Variants in SCMH1 observed in about 807,000 individuals in gnomAD.
SCMH1 encodes the protein Scm polycomb group protein homolog 1.
In SCMH1, 37 loss-of-function variants were observed where a neutral mutation model predicts 70.8. The observed-to-expected ratio is 0.52, with a 90% CI of 0.40 to 0.69. The LOEUF (loss-of-function observed/expected upper bound fraction) is 0.69. Among genes scored for constraint, SCMH1 ranks in the 30% least tolerant of loss-of-function variants. SCMH1 has a pLI of 0.00. For synonymous variants in SCMH1, 292 were observed against 307.4 expected (o/e 0.95, Z 0.52); for missense variants, 607 against 827.3 (o/e 0.73, Z 3.27).
chr1:41,185,933 T>A, intron 2 of SCMH1, 188 bp downstream of exon 2: 1 of 453,506 alleles, frequency 2.2e-6, no homozygotes, highest in Non-Finnish European at 3.8e-6. Flanking sequence ...TTTTTAAGTA[T>A]TTAAAAAGCA....
At chr1:41,174,015 A>G (rs1331310419) in intron 2 of SCMH1, among the ~76,000 whole-genome samples, 1 of 152,212 alleles carries the variant, frequency 6.6e-6, no homozygotes, top group Non-Finnish European at 1.5e-5. Context: ...ATAGTGTTCT[A>G]TAGCACTATA....
chr1:41,064,347 CCT>C, intron 10 of SCMH1, among the ~76,000 whole-genome samples: 2 of 152,194 alleles, frequency 1.3e-5, no homozygotes, highest in Middle Eastern at 3.4e-3. Flanking sequence ...ACAAGGATGC[CCT>C]CTCTTACCAC....
At chr1:41,115,923 A>G (rs1670359040) in intron 7 of SCMH1, among the ~76,000 whole-genome samples, 1 of 152,102 alleles carries the variant, frequency 6.6e-6, no homozygotes, top group African/African-American at 2.4e-5. Flanking sequence ...TAAAAATCTG[A>G]TCTATGTATG....
At position 41,131,812 on chromosome 1, in the gene SCMH1, T is replaced by C. The variant is rs1674798887; in HGVS notation, c.412+11066A>G. Among the ~76,000 whole-genome samples, 4 of 152,330 alleles carry C rather than the reference T, an allele frequency of 2.6e-5. 1 individual carries two copies. The South Asian group carries it at 8.3e-4, about 32-fold the overall frequency. ...AGAATGTGCAGTGTTTGGTTTTCTG[T>C]CCTTGTGATAGTTTGCTGAGAATGA... On this transcript the variant is annotated intron_variant, in intron 6 of 14. Transcript: ENST00000337495.
At chr1:41,221,893 CAAAAAAAAAA>C (rs34257855) in intron 1 of SCMH1, among the ~76,000 whole-genome samples, 1 of 45,058 alleles carries the variant, frequency 2.2e-5, no homozygotes, top group Non-Finnish European at 3.5e-5. Flanking sequence ...GACTCCGTCT[CAAAAAAAAAA>C]AAAAAAAAAA....
chr1:41,067,458 C>CAAAA (rs60607308), intron 10 of SCMH1, among the ~76,000 whole-genome samples: 21 of 60,234 alleles, frequency 3.5e-4, no homozygotes, highest in African/African-American at 6.4e-4. Flanking sequence ...ACAACAACAA[C>CAAAA]AAAAAAAAAA....
intron 13 of SCMH1, among the ~76,000 whole-genome samples, chr1:41,029,489 C>T (rs549288389): frequency 3.9e-5 from 6 of 152,158 alleles, no homozygotes; most frequent in African/African-American, 9.7e-5. Context: ...CGTGAACCAC[C>T]GCGCCCAGCC....
At chr1:41,191,599 T>C (rs1196796271) in intron 1 of SCMH1, among the ~76,000 whole-genome samples, 3 of 152,156 alleles carry the variant, frequency 2.0e-5, no homozygotes, top group African/African-American at 7.2e-5. Flanking sequence ...TTGGAAGAAA[T>C]GTTGAAAGTC....
intron 8 of SCMH1, among the ~76,000 whole-genome samples, chr1:41,077,219 T>C (rs1658558877): frequency 6.6e-6 from 1 of 152,198 alleles, no homozygotes; most frequent in South Asian, 2.1e-4. Flanking sequence ...CTGAGGTAGC[T>C]GATACTGTTT....
chr1:41,028,173 G>C, exon 15 of SCMH1: 1 of 1,613,906 alleles, frequency 6.2e-7, no homozygotes, highest in Non-Finnish European at 8.5e-7. Context: ...CCACTTGGTT[G>C]TCTAGGCTGC....
intron 8 of SCMH1, among the ~76,000 whole-genome samples, chr1:41,092,906 T>A (rs1294963145): frequency 2.0e-5 from 3 of 152,124 alleles, no homozygotes; most frequent in Non-Finnish European, 4.4e-5. Flanking sequence ...GAAATAGGAA[T>A]GCTTTTACAC....
At chr1:41,045,485 G>A (rs1245113720) in intron 12 of SCMH1, among the ~76,000 whole-genome samples, 1 of 152,150 alleles carries the variant, frequency 6.6e-6, no homozygotes, top group Non-Finnish European at 1.5e-5. Context: ...TGCTTTTATC[G>A]GAGGTGATTC....
intron 8 of SCMH1, among the ~76,000 whole-genome samples, chr1:41,104,065 T>C (rs1667265615): frequency 6.6e-6 from 1 of 152,196 alleles, no homozygotes. Flanking sequence ...TGCGTGCAGT[T>C]CCCTTTTCTT....
At chr1:41,028,021 TG>T in exon 15 of SCMH1, 1 of 721,188 alleles carries the variant, frequency 1.4e-6, no homozygotes, top group Non-Finnish European at 2.3e-6. Flanking sequence ...CAGTCCTTCA[TG>T]GAAGGACTTA....
intron 10 of SCMH1, among the ~76,000 whole-genome samples, chr1:41,066,182 C>T (rs1435275890): frequency 6.6e-6 from 1 of 152,212 alleles, no homozygotes; most frequent in Admixed American, 6.5e-5. Flanking sequence ...CTGCTTATGG[C>T]TCAGAAAGGG....
At chr1:41,070,677 T>G in exon 10 of SCMH1, 1 of 1,614,100 alleles carries the variant, frequency 6.2e-7, no homozygotes. Flanking sequence ...GAGTGCTGGT[T>G]GTTGGTGAGG....
intron 6 of SCMH1, among the ~76,000 whole-genome samples, chr1:41,131,329 C>T (rs1017146570): frequency 6.6e-6 from 1 of 152,132 alleles, no homozygotes; most frequent in Non-Finnish European, 1.5e-5. Flanking sequence ...AATGTGAGTC[C>T]TCCACCTTTG....
intron 1 of SCMH1, among the ~76,000 whole-genome samples, chr1:41,209,207 A>C (rs1656392845): frequency 6.6e-6 from 1 of 152,202 alleles, no homozygotes; most frequent in African/African-American, 2.4e-5. Flanking sequence ...CAGGATCTGA[A>C]ATTGAGGCAA....
chr1:41,058,434 G>A (rs1447534525), intron 10 of SCMH1, among the ~76,000 whole-genome samples: 1 of 121,492 alleles, frequency 8.2e-6, no homozygotes, highest in African/African-American at 3.2e-5. Context: ...AGGCTGGAGT[G>A]CAGTGGCACA....
Sources: gnomAD v4.1 joint callset for allele counts (sites outside exome capture counted in the v4.1 genomes callset) on GRCh38, gnomAD v4.1.1 for gene constraint, MANE v1.5 for transcripts, NCBI Gene and HGNC (gene_info 2026-07-23, HGNC 2026-07-21) for gene names.